The following SLC9A9 variants were observed in gnomAD, a reference collection of about 807,000 sequenced individuals.
The protein encoded by SLC9A9 is sodium/hydrogen exchanger 9.
In SLC9A9, 62 loss-of-function variants were observed where a neutral mutation model predicts 77.8. The observed-to-expected ratio is 0.80, with a 90% CI of 0.65 to 0.98. The LOEUF (loss-of-function observed/expected upper bound fraction) is 0.98. SLC9A9 is among the 50% of genes least tolerant of loss of function. The pLI, the probability that SLC9A9 is intolerant of heterozygous loss-of-function variation, is 0.00. For missense variants in SLC9A9, 775 were observed against 774.9 expected, an observed-to-expected ratio of 1.00 and a Z score of 0.00; for synonymous variants, 320 against 283.5, an observed-to-expected ratio of 1.13 and a Z score of -1.29.
intron 12 of SLC9A9, among the ~76,000 whole-genome samples, chr3:143,388,604 T>G (rs539014804): frequency 3.3e-5 from 5 of 152,316 alleles, no homozygotes; most frequent in African/African-American, 9.6e-5. Context: ...TCATGAAATA[T>G]TAGTTGATGC....
chr3:143,779,419 T>C (rs1217687380), intron 4 of SLC9A9, among the ~76,000 whole-genome samples: 2 of 152,220 alleles, frequency 1.3e-5, no homozygotes, highest in Non-Finnish European at 2.9e-5. Flanking sequence ...TTGCCCAGGC[T>C]GGCGTGAAGT....
chr3:143,278,762 G>T (rs1477714642), intron 14 of SLC9A9, among the ~76,000 whole-genome samples: 2 of 152,204 alleles, frequency 1.3e-5, no homozygotes, highest in East Asian at 1.9e-4. Context: ...GGTACTGGGG[G>T]TTAGGACTTC....
chr3:143,768,550 T>G (rs1394407739), intron 4 of SLC9A9, among the ~76,000 whole-genome samples: 1 of 152,328 alleles, frequency 6.6e-6, no homozygotes, highest in Non-Finnish European at 1.5e-5. Context: ...AGGAGGAACC[T>G]GTTTAAGATA....
chr3:143,548,368 A>T (rs2036822878), intron 9 of SLC9A9, among the ~76,000 whole-genome samples: 1 of 152,066 alleles, frequency 6.6e-6, no homozygotes, highest in Non-Finnish European at 1.5e-5. Context: ...GAGTGGGTTC[A>T]TGGGGTCTGT....
intron 5 of SLC9A9, among the ~76,000 whole-genome samples, chr3:143,661,627 C>T (rs2038979671): frequency 6.6e-6 from 1 of 152,216 alleles, no homozygotes. Flanking sequence ...GTCCCCTTCT[C>T]ACTCTGTAAA....
intron 5 of SLC9A9, among the ~76,000 whole-genome samples, chr3:143,682,326 C>T (rs1933128901): frequency 6.6e-6 from 1 of 152,070 alleles, no homozygotes; most frequent in Non-Finnish European, 1.5e-5. Context: ...CACCTCTAAA[C>T]CTTAGTTTGC....
intron 13 of SLC9A9, among the ~76,000 whole-genome samples, chr3:143,377,480 C>G (rs1449437327): frequency 6.6e-6 from 1 of 152,210 alleles, no homozygotes; most frequent in Non-Finnish European, 1.5e-5. Context: ...AGACCTTTCT[C>G]AGCTCTGCTG....
chr3:143,678,064 G>A (rs1932943199), intron 5 of SLC9A9, among the ~76,000 whole-genome samples: 2 of 152,074 alleles, frequency 1.3e-5, no homozygotes, highest in Admixed American at 1.3e-4. Flanking sequence ...CTGACCTCGT[G>A]ATCCACCCGC....
chr3:143,299,864 C>CTAGATGA (rs2030442090), intron 14 of SLC9A9, among the ~76,000 whole-genome samples: 2 of 152,168 alleles, frequency 1.3e-5, no homozygotes, highest in South Asian at 4.2e-4. Context: ...GGGTTCTGAG[C>CTAGATGA]CTTATCCTGG....
At chr3:143,645,368 G>A (rs1027360854) in intron 6 of SLC9A9, among the ~76,000 whole-genome samples, 1 of 152,182 alleles carries the variant, frequency 6.6e-6, no homozygotes, top group Non-Finnish European at 1.5e-5. Context: ...GGTTTCTAGG[G>A]TGAGGTTTTG....
intron 6 of SLC9A9, among the ~76,000 whole-genome samples, chr3:143,608,828 G>A (rs2108695708): frequency 6.6e-6 from 1 of 152,216 alleles, no homozygotes; most frequent in African/African-American, 2.4e-5. Flanking sequence ...AGAATAGGGA[G>A]GAACAGGACT....
intron 8 of SLC9A9, among the ~76,000 whole-genome samples, chr3:143,565,263 A>G (rs2037149818): frequency 6.6e-6 from 1 of 152,166 alleles, no homozygotes. Flanking sequence ...CAACAGACAT[A>G]AAAAACCCGG....
intron 14 of SLC9A9, among the ~76,000 whole-genome samples, chr3:143,285,943 G>A (rs566821380): frequency 5.9e-5 from 9 of 152,194 alleles, no homozygotes; most frequent in Admixed American, 2.0e-4. Context: ...TCATGAGCCG[G>A]GTGTTTTGAG....
At chr3:143,692,423 A>G (rs1342127782) in intron 5 of SLC9A9, among the ~76,000 whole-genome samples, 2 of 152,162 alleles carry the variant, frequency 1.3e-5, no homozygotes, top group African/African-American at 4.8e-5. Context: ...TTTACAAAGA[A>G]AATAATATGA....
chr3:143,297,777 T>C (rs2030344381), intron 14 of SLC9A9, among the ~76,000 whole-genome samples: 2 of 152,234 alleles, frequency 1.3e-5, no homozygotes, highest in Non-Finnish European at 2.9e-5. Context: ...ATTAATTTTC[T>C]TTTTGTCTAT....
chr3:143,561,140 C>T (rs2037077881), intron 8 of SLC9A9, among the ~76,000 whole-genome samples: 2 of 152,156 alleles, frequency 1.3e-5, no homozygotes, highest in African/African-American at 4.8e-5. Context: ...GAGGTTGTGC[C>T]ATTGTACTCC....
At chr3:143,516,974 A>G (rs1237842716) in intron 9 of SLC9A9, 19 of 615,252 alleles carry the variant, frequency 3.1e-5, no homozygotes, top group Non-Finnish European at 5.1e-5. Flanking sequence ...TCTTATAATC[A>G]TTTTAATTTG....
intron 4 of SLC9A9, among the ~76,000 whole-genome samples, chr3:143,708,772 C>G (rs1265663938): frequency 6.6e-6 from 1 of 152,166 alleles, no homozygotes; most frequent in African/African-American, 2.4e-5. Context: ...TTCCATGTAC[C>G]CATTACCCAG....
chr3:143,582,959 C>A (rs966002824), intron 6 of SLC9A9, among the ~76,000 whole-genome samples: 1 of 151,954 alleles, frequency 6.6e-6, no homozygotes, highest in African/African-American at 2.4e-5. Flanking sequence ...GTGAGACCAG[C>A]CCAGGCAACA....
Sources: allele counts gnomAD v4.1 joint callset (sites outside exome capture counted in the v4.1 genomes callset), GRCh38; gene constraint gnomAD v4.1.1; transcripts MANE v1.5; gene names NCBI Gene and HGNC (gene_info 2026-07-23, HGNC 2026-07-21).